The following SNX7 variants were observed in gnomAD, a reference collection of about 807,000 sequenced individuals.
The protein encoded by SNX7 is sorting nexin-7.
SNX7 carries 35 observed loss-of-function variants against 48.4 expected under a neutral mutation model. The ratio of observed to expected loss-of-function variants is 0.72; its 90% CI spans 0.55 to 0.96. SNX7 has a LOEUF of 0.96. SNX7 is among the 40% of genes least tolerant of loss of function. The probability of loss-of-function intolerance (pLI) is 0.00; values close to 1 mark genes in which losing one functional copy is unlikely to be tolerated. For synonymous variants in SNX7, 190 were observed against 190.2 expected (o/e 1.00, Z 0.01); for missense variants, 553 against 548.9 (o/e 1.01, Z -0.07).
At chr1:98,731,408 C>A (rs983328225) in intron 7 of SNX7, among the ~76,000 whole-genome samples, 2 of 152,004 alleles carry the variant, frequency 1.3e-5, no homozygotes, top group African/African-American at 4.8e-5. Context: ...AAGTAGTTTT[C>A]TTGGTGAGCA....
At chr1:98,707,049 T>C (rs1471243838) in intron 7 of SNX7, among the ~76,000 whole-genome samples, 1 of 152,184 alleles carries the variant, frequency 6.6e-6, no homozygotes, top group Non-Finnish European at 1.5e-5. Context: ...TTTAAAGCTA[T>C]AACATTTGTC....
At chr1:98,727,167 G>A (rs1316147523) in intron 7 of SNX7, among the ~76,000 whole-genome samples, 2 of 152,298 alleles carry the variant, frequency 1.3e-5, no homozygotes, top group Non-Finnish European at 2.9e-5. Context: ...CTGAGATTGC[G>A]CCACTGTACT....
At chr1:98,733,249 T>A (rs553054531) in intron 7 of SNX7, among the ~76,000 whole-genome samples, 4 of 152,230 alleles carry the variant, frequency 2.6e-5, no homozygotes, top group Admixed American at 2.6e-4. Context: ...GTTCTTCCAG[T>A]TAACCTTATC....
chr1:98,707,328 A>G (rs919632109), intron 7 of SNX7, among the ~76,000 whole-genome samples: 1 of 152,212 alleles, frequency 6.6e-6, no homozygotes, highest in African/African-American at 2.4e-5. Flanking sequence ...AAATATTTCA[A>G]GAGTAATTGA....
intron 7 of SNX7, among the ~76,000 whole-genome samples, chr1:98,730,880 T>C (rs1179298497): frequency 6.6e-6 from 1 of 152,114 alleles, no homozygotes; most frequent in African/African-American, 2.4e-5. Flanking sequence ...TGGAAGCCAT[T>C]ATCCTCAGCA....
intron 7 of SNX7, among the ~76,000 whole-genome samples, chr1:98,726,137 C>T (rs953559050): frequency 6.6e-6 from 1 of 152,160 alleles, no homozygotes; most frequent in Non-Finnish European, 1.5e-5. Flanking sequence ...AAACTGCACC[C>T]TCTGAAGGAA....
intron 5 of SNX7, among the ~76,000 whole-genome samples, chr1:98,697,455 T>C (rs777828357): frequency 1.4e-4 from 21 of 152,096 alleles, no homozygotes; most frequent in Non-Finnish European, 2.8e-4. Context: ...TCACTGCTTA[T>C]AAATTTTCCA....
At chr1:98,747,058 A>G (rs1333022966) in intron 8 of SNX7, among the ~76,000 whole-genome samples, 2 of 152,144 alleles carry the variant, frequency 1.3e-5, no homozygotes, top group Admixed American at 6.6e-5. Context: ...TGAGAGTCAT[A>G]TTAAGGTCCT....
intron 8 of SNX7, among the ~76,000 whole-genome samples, chr1:98,742,439 G>T (rs999656494): frequency 6.6e-6 from 1 of 151,966 alleles, no homozygotes; most frequent in Non-Finnish European, 1.5e-5. Flanking sequence ...AGTCTTGCTG[G>T]CCCAAGTTTC....
At chr1:98,738,502 C>T in intron 8 of SNX7, 113 bp downstream of exon 8, 1 of 996,360 alleles carries the variant, frequency 1.0e-6, no homozygotes. Flanking sequence ...TCTAATGCCT[C>T]TCTGGTAGCT....
chr1:98,713,999 AG>A (rs1652456173), intron 7 of SNX7, among the ~76,000 whole-genome samples: 1 of 152,248 alleles, frequency 6.6e-6, no homozygotes, highest in Non-Finnish European at 1.5e-5. Flanking sequence ...TACTCAGTGC[AG>A]GGTTGTCACA....
intron 5 of SNX7, among the ~76,000 whole-genome samples, chr1:98,697,118 T>G (rs2100967489): frequency 6.6e-6 from 1 of 152,178 alleles, no homozygotes; most frequent in South Asian, 2.1e-4. Flanking sequence ...TTGAGATTTC[T>G]CAATTGACTC....
chr1:98,752,080 C>T (rs1054697288), intron 8 of SNX7, among the ~76,000 whole-genome samples: 1 of 151,910 alleles, frequency 6.6e-6, no homozygotes, highest in African/African-American at 2.4e-5. Context: ...CAAATAGAAA[C>T]ATGTTTTAAA....
rs1651598398 is a variant in SNX7 at position 98,698,814 on chromosome 1, G to A, written c.947G>A (p.Cys316Tyr). The A allele has an allele frequency of 1.2e-6, 2 of 1,613,568 alleles. No homozygotes were observed. Among genetic ancestry groups the A allele is most frequent in the African/African-American group, 1.3e-5 (1 of 74,808 alleles). The change falls in exon 6 of 9, where the codon TGC (cysteine) becomes TAC (tyrosine). Residue 316 changes from cysteine (C) to tyrosine (Y), a missense_variant. By Grantham distance (194) the Cys-to-Tyr change is radical (BLOSUM62 -2). Coordinates refer to ENST00000306121, the MANE Select transcript of SNX7 (RefSeq NM_015976.5). ...LKDVASCIDR[C>Y]CKATEKRMSG... is the part of the protein sequence containing the mutation. The stretch of plus-strand genomic sequence containing the variant: ...GATGTTGCCAGCTGCATTGACAGAT[G>A]CTGTAAGGCCACTGAAAAGCGGATG...
chr1:98,672,930 C>CAGAAA (rs1319348428), intron 1 of SNX7, among the ~76,000 whole-genome samples: 2 of 88,528 alleles, frequency 2.3e-5, no homozygotes, highest in Admixed American at 2.9e-4. Context: ...GACTCCGTCT[C>CAGAAA]AAAAAAAAAA....
chr1:98,661,572 C>T (rs1649210934), upstream of SNX7: 5 of 626,356 alleles, frequency 8.0e-6, no homozygotes, highest in Non-Finnish European at 1.1e-5. Flanking sequence ...GCGCCCGGCC[C>T]GGGCCAGCGC....
chr1:98,670,841 C>T (rs1649817168), intron 1 of SNX7, among the ~76,000 whole-genome samples: 1 of 150,850 alleles, frequency 6.6e-6, no homozygotes. Flanking sequence ...GGAAAGAGAG[C>T]TACAGCTCTT....
intron 7 of SNX7, among the ~76,000 whole-genome samples, chr1:98,734,012 A>C (rs576917445): frequency 6.6e-6 from 1 of 152,124 alleles, no homozygotes; most frequent in African/African-American, 2.4e-5. Flanking sequence ...TCAGTCTCTA[A>C]TATGCATTTG....
chr1:98,730,358 A>T (rs1056964179), intron 7 of SNX7, among the ~76,000 whole-genome samples: 2 of 152,148 alleles, frequency 1.3e-5, no homozygotes, highest in African/African-American at 4.8e-5. Context: ...CAAGACAAGG[A>T]TGCTGTCTGT....
Sources: gnomAD v4.1 joint callset for allele counts (sites outside exome capture counted in the v4.1 genomes callset) on GRCh38, gnomAD v4.1.1 for gene constraint, MANE v1.5 for transcripts, NCBI Gene and HGNC (gene_info 2026-07-23, HGNC 2026-07-21) for gene names.